The following TMEM255A variants were observed in gnomAD, a reference collection of about 807,000 sequenced individuals.
The protein encoded by TMEM255A is family with sequence similarity 70, member A.
Under a neutral mutation model 23.5 loss-of-function variants are expected in TMEM255A, and 14 were observed. The observed-to-expected ratio is 0.60, with a 90% CI of 0.39 to 0.93. The LOEUF is 0.93. TMEM255A is among the 40% of genes least tolerant of loss of function. The pLI, the probability that TMEM255A is intolerant of heterozygous loss-of-function variation, is 0.00. For synonymous variants in TMEM255A, 104 were observed against 100.3 expected, an observed-to-expected ratio of 1.04 and a Z score of -0.22; for missense variants, 233 against 261.7, an observed-to-expected ratio of 0.89 and a Z score of 0.76.
chrX:120,257,835 T>A (rs1396052573), downstream of TMEM255A: 4 of 123,250 alleles, frequency 3.2e-5, no homozygotes, highest in Non-Finnish European at 7.5e-5. Context: ...ATTGTTTTTT[T>A]ATCTTATACT....
intron 2 of TMEM255A, among the ~76,000 whole-genome samples, chrX:120,296,741 TTATATTATATTA>T (rs2057963630): frequency 2.7e-5 from 1 of 37,176 alleles, no homozygotes; most frequent in Non-Finnish European, 3.9e-5. Context: ...ATATATTATA[TTATATTATATTA>T]TATATTATAT....
chrX:120,291,225 T>A (rs781896216), intron 4 of TMEM255A, 26 bp downstream of exon 4: 1 of 1,167,943 alleles, frequency 8.6e-7, no homozygotes, highest in Admixed American at 2.2e-5. Context: ...CCTATTTACT[T>A]TAACTCAGGA....
chrX:120,268,507 C>T, intron 7 of TMEM255A, 120 bp from the exon 8 acceptor site: 1 of 490,210 alleles, frequency 2.0e-6, no homozygotes, highest in Non-Finnish European at 3.1e-6. Context: ...ATGATGTGGA[C>T]CTATTTAGAG....
chrX:120,261,708 T>C (rs2057682032), intron 8 of TMEM255A, among the ~76,000 whole-genome samples: 1 of 112,211 alleles, frequency 8.9e-6, no homozygotes, highest in African/African-American at 3.2e-5. Context: ...GCAGAGACAC[T>C]GAGTATTCAG....
chrX:120,254,317 A>C, downstream of TMEM255A: 2 of 1,211,964 alleles, frequency 1.7e-6, no homozygotes, highest in Non-Finnish European at 2.2e-6. Flanking sequence ...CTTCCAAATC[A>C]TATGCCCTCT....
rs202026669 is a variant in TMEM255A, at chrX:120,285,163, T to C, written c.476A>G (p.Asn159Ser). Residue 159 changes from asparagine to serine, a missense_variant, in exon 6 of 9, where the codon AAC becomes AGC. Asn to Ser is a conservative substitution (Grantham distance 46, BLOSUM62 1). Coordinates refer to ENST00000371369, the MANE Select transcript of TMEM255A (RefSeq NM_001104544.3). The part of the protein sequence containing the change: ...REFCTPRIRG[N>S]TCFCCDLYNC... Reference sequence around the variant, plus strand: ...GTAGAGGTCACAGCAGAAGCAGGTGTTGCCCCGGATGCGAGGTGTGCAGAA... The same window carrying C: ...GTAGAGGTCACAGCAGAAGCAGGTGCTGCCCCGGATGCGAGGTGTGCAGAA... The C allele has an allele frequency of 6.0e-5, 72 of 1,209,866 alleles. No homozygotes were observed. Among genetic ancestry groups the C allele is most frequent in the Non-Finnish European group, 7.4e-5 (66 of 895,072 alleles).
intron 6 of TMEM255A, among the ~76,000 whole-genome samples, chrX:120,284,535 C>T (rs782343474): frequency 4.8e-4 from 50 of 103,211 alleles, no homozygotes; most frequent in African/African-American, 1.1e-3. Context: ...TGCACGTGCA[C>T]GCACACACAC....
downstream of TMEM255A, chrX:120,256,661 C>T (rs2057639920): frequency 8.1e-6 from 1 of 122,942 alleles, no homozygotes; most frequent in African/African-American, 3.3e-5. Context: ...CATATTTAAA[C>T]ACTTAGAAAA....
chrX:120,278,940 G>A (rs1556020306), intron 6 of TMEM255A, among the ~76,000 whole-genome samples: 1 of 111,593 alleles, frequency 9.0e-6, no homozygotes, highest in Non-Finnish European at 1.9e-5. Context: ...ATTTGTGTGT[G>A]CCTGTGGGTG....
At chrX:120,285,887 C>T (rs1158513633) in intron 5 of TMEM255A, 1 of 1,190,024 alleles carries the variant, frequency 8.4e-7, no homozygotes, top group East Asian at 3.1e-5. Context: ...TTTCATTTAC[C>T]ATCTCTTGTT....
chrX:120,294,405 G>T (rs1021665464), intron 2 of TMEM255A, among the ~76,000 whole-genome samples: 1 of 102,791 alleles, frequency 9.7e-6, no homozygotes, highest in East Asian at 3.0e-4. Context: ...CTGCACTCCA[G>T]CCTGGGCGAC....
intron 2 of TMEM255A, among the ~76,000 whole-genome samples, chrX:120,294,278 C>T (rs2057938418): frequency 9.2e-6 from 1 of 108,297 alleles, no homozygotes; most frequent in Non-Finnish European, 1.9e-5. Flanking sequence ...ACTAAAAATA[C>T]AAAAAATTAG....
At chrX:120,270,395 G>T in intron 7 of TMEM255A, among the ~76,000 whole-genome samples, 1 of 104,503 alleles carries the variant, frequency 9.6e-6, no homozygotes, top group Non-Finnish European at 2.0e-5. Context: ...AGCATTCCGA[G>T]CTCCAGTAAC....
chrX:120,273,786 T>C (rs1482148761), intron 7 of TMEM255A, among the ~76,000 whole-genome samples: 2 of 111,718 alleles, frequency 1.8e-5, no homozygotes, highest in East Asian at 2.8e-4. Context: ...TGTGGAGAAA[T>C]TGGAACCCTC....
At chrX:120,287,640 G>A (rs1370295177) in intron 4 of TMEM255A, among the ~76,000 whole-genome samples, 1 of 111,031 alleles carries the variant, frequency 9.0e-6, no homozygotes, top group Non-Finnish European at 1.9e-5. Flanking sequence ...ATTATCACCT[G>A]GGGACAGGAC....
rs2057880547 is a variant in TMEM255A at position 120,287,102 on chromosome X, G to A, written c.423+52C>T. ...AGTAAAAGAAAGGGTGTTTCAGGCA[G>A]AACAGGGGACTTTCCCAGGAGGTAA... On this transcript the variant is annotated intron_variant, in intron 5 of 8. Transcript: ENST00000371369. 8.5e-6 allele frequency: 9 copies of A among 1,056,229 alleles called. No individual in the cohort carries two copies. The African/African-American group carries it at 1.1e-4, about 13-fold the overall frequency. The allele number at this position is 1,056,229 out of a possible 1,213,427, so 87.0% of individuals were successfully genotyped here.
intron 7 of TMEM255A, among the ~76,000 whole-genome samples, chrX:120,275,241 A>T (rs2057788133): frequency 9.0e-6 from 1 of 110,891 alleles, no homozygotes; most frequent in Non-Finnish European, 1.9e-5. Context: ...TGGGCATTCC[A>T]GAGTCTGGGG....
intron 2 of TMEM255A, among the ~76,000 whole-genome samples, chrX:120,297,528 C>G (rs1243051430): frequency 9.1e-6 from 1 of 110,327 alleles, no homozygotes; most frequent in Non-Finnish European, 1.9e-5. Context: ...CTAAAACAAT[C>G]TTCCATTTCA....
intron 8 of TMEM255A, among the ~76,000 whole-genome samples, chrX:120,265,849 A>T (rs997118157): frequency 1.8e-5 from 2 of 110,969 alleles, no homozygotes; most frequent in African/African-American, 6.6e-5. Context: ...AGCTGTTATT[A>T]AAAAGTAAGG....
Sources: gnomAD v4.1 joint callset for allele counts (sites outside exome capture counted in the v4.1 genomes callset) on GRCh38, gnomAD v4.1.1 for gene constraint, MANE v1.5 for transcripts, NCBI Gene and HGNC (gene_info 2026-07-23, HGNC 2026-07-21) for gene names.